Variants in THSD7B observed in about 807,000 individuals in gnomAD.
THSD7B encodes the protein thrombospondin type 1 domain containing 7B.
Under a neutral mutation model 213.6 loss-of-function variants are expected in THSD7B, and 138 were observed. The ratio of observed to expected loss-of-function variants is 0.65; its 90% CI spans 0.56 to 0.74. The LOEUF (loss-of-function observed/expected upper bound fraction) is 0.74, where lower values mean the gene tolerates loss of function less well. Among genes scored for constraint, THSD7B ranks in the 30% least tolerant of loss-of-function variants. THSD7B has a pLI of 0.00. For synonymous variants in THSD7B, 742 were observed against 687.0 expected, an observed-to-expected ratio of 1.08 and a Z score of -1.25; for missense variants, 1,931 against 1,991.5, an observed-to-expected ratio of 0.97 and a Z score of 0.58.
intron 10 of THSD7B, among the ~76,000 whole-genome samples, chr2:137,271,794 G>GT (rs1485690568): frequency 3.3e-5 from 5 of 152,010 alleles, no homozygotes; most frequent in Non-Finnish European, 7.4e-5. Context: ...AATTGAAGTA[G>GT]TTGCTAAGCA....
chr2:137,040,998 C>T (rs1206889776), intron 2 of THSD7B, among the ~76,000 whole-genome samples: 2 of 152,058 alleles, frequency 1.3e-5, no homozygotes, highest in Non-Finnish European at 2.9e-5. Context: ...TAAGTTGGTG[C>T]CAAGGGAATA....
At chr2:137,196,325 A>G (rs1486732178) in intron 7 of THSD7B, among the ~76,000 whole-genome samples, 3 of 151,168 alleles carry the variant, frequency 2.0e-5, no homozygotes, top group Non-Finnish European at 4.4e-5. Flanking sequence ...AAGATACACA[A>G]TAACCTTTTA....
intron 12 of THSD7B, among the ~76,000 whole-genome samples, chr2:137,286,164 T>G (rs1683173711): frequency 6.6e-6 from 1 of 151,924 alleles, no homozygotes; most frequent in Non-Finnish European, 1.5e-5. Flanking sequence ...TATATTTATA[T>G]AAAACAAAGG....
chr2:137,345,899 A>T (rs1684865744), intron 12 of THSD7B, among the ~76,000 whole-genome samples: 1 of 151,674 alleles, frequency 6.6e-6, no homozygotes, highest in South Asian at 2.1e-4. Context: ...ACACATATAT[A>T]CACACCCATA....
intron 12 of THSD7B, among the ~76,000 whole-genome samples, chr2:137,299,405 C>A (rs1379289152): frequency 6.6e-6 from 1 of 151,948 alleles, no homozygotes; most frequent in African/African-American, 2.4e-5. Context: ...TGAGTTAATG[C>A]TGAAATGAGT....
chr2:137,632,414 A>G (rs1463846654), intron 20 of THSD7B, among the ~76,000 whole-genome samples: 1 of 152,070 alleles, frequency 6.6e-6, no homozygotes, highest in Non-Finnish European at 1.5e-5. Context: ...GTAATGTGTG[A>G]CTCTGATGGT....
intron 10 of THSD7B, among the ~76,000 whole-genome samples, chr2:137,260,466 A>G (rs1682415042): frequency 6.6e-6 from 1 of 152,162 alleles, no homozygotes; most frequent in Admixed American, 6.5e-5. Flanking sequence ...AAAATTTCTT[A>G]AAAAGGTAAA....
chr2:137,026,365 T>C (rs566233521), intron 2 of THSD7B, among the ~76,000 whole-genome samples: 14 of 152,316 alleles, frequency 9.2e-5, no homozygotes, highest in African/African-American at 3.1e-4. Context: ...TTGTCCACTT[T>C]CTTCCATGGC....
Position 137,115,856 on chromosome 2 carries a change from A to G in THSD7B, c.1369+563A>G, listed in dbSNP as rs571690156. Among the ~76,000 whole-genome samples the G allele has an allele frequency of 9.1e-4, 138 of 152,266 alleles. 1 individual carries two copies. Among genetic ancestry groups the G allele is most frequent in the African/African-American group, 2.9e-3 (120 of 41,550 alleles). ...TGTTTGTTTCAGAGTGTGGATAGTG[A>G]TAATATTTAGAGACTGGGAAACTTG... On this transcript the variant is annotated intron_variant, in intron 5 of 27. Transcript: ENST00000409968.
chr2:136,896,133 C>T (rs1683956168), intron 2 of THSD7B, among the ~76,000 whole-genome samples: 1 of 152,164 alleles, frequency 6.6e-6, no homozygotes, highest in Admixed American at 6.5e-5. Flanking sequence ...ATGGAATATA[C>T]ATGCTGAACT....
At chr2:137,669,008 C>T (rs1369184392) in intron 27 of THSD7B, among the ~76,000 whole-genome samples, 1 of 152,054 alleles carries the variant, frequency 6.6e-6, no homozygotes, top group Non-Finnish European at 1.5e-5. Flanking sequence ...CAAGGGTCAA[C>T]TGTAGATTTT....
At chr2:137,128,998 T>C (rs1688675929) in intron 5 of THSD7B, among the ~76,000 whole-genome samples, 1 of 152,196 alleles carries the variant, frequency 6.6e-6, no homozygotes, top group Non-Finnish European at 1.5e-5. Flanking sequence ...TAGCTAGGAC[T>C]TCCTGGATTT....
intron 12 of THSD7B, among the ~76,000 whole-genome samples, chr2:137,319,424 G>A (rs997943662): frequency 4.6e-5 from 7 of 152,090 alleles, no homozygotes; most frequent in Admixed American, 3.3e-4. Flanking sequence ...TATCTACAGA[G>A]CAATGTTAGT....
At chr2:137,617,958 A>AG (rs1682439087) in intron 18 of THSD7B, among the ~76,000 whole-genome samples, 1 of 152,158 alleles carries the variant, frequency 6.6e-6, no homozygotes, top group Non-Finnish European at 1.5e-5. Flanking sequence ...CATCACCTAG[A>AG]GGGTTAGGAT....
chr2:137,234,306 T>C (rs1192539670), intron 9 of THSD7B, among the ~76,000 whole-genome samples: 1 of 152,156 alleles, frequency 6.6e-6, no homozygotes, highest in Non-Finnish European at 1.5e-5. Flanking sequence ...TCATGGGCAA[T>C]GGAAACACTG....
chr2:137,010,871 A>G (rs979975), intron 2 of THSD7B, among the ~76,000 whole-genome samples: 136,579 of 152,194 alleles, frequency 0.9, 61,741 homozygotes, highest in East Asian at 1. Context: ...TCTAATTTCA[A>G]GTAGTGGTAA....
chr2:137,238,401 G>T (rs1260618020), intron 9 of THSD7B, among the ~76,000 whole-genome samples: 1 of 151,990 alleles, frequency 6.6e-6, no homozygotes, highest in African/African-American at 2.4e-5. Context: ...ATTTTTAGAA[G>T]ACCTTAAAAA....
At chr2:137,124,353 T>C (rs1284071270) in intron 5 of THSD7B, among the ~76,000 whole-genome samples, 1 of 152,240 alleles carries the variant, frequency 6.6e-6, no homozygotes. Context: ...AGAAGAAGTA[T>C]CCACTTACTG....
chr2:136,929,752 A>C (rs192349449), intron 2 of THSD7B, among the ~76,000 whole-genome samples: 2 of 152,288 alleles, frequency 1.3e-5, no homozygotes, highest in Admixed American at 1.3e-4. Flanking sequence ...TGTGACTCAG[A>C]GCACCAGGTG....
Sources: gnomAD v4.1 joint callset for allele counts (sites outside exome capture counted in the v4.1 genomes callset) on GRCh38, gnomAD v4.1.1 for gene constraint, MANE v1.5 for transcripts, NCBI Gene and HGNC (gene_info 2026-07-23, HGNC 2026-07-21) for gene names.